Variants in VPS13B observed in about 807,000 individuals in gnomAD.
VPS13B encodes the protein vacuolar protein sorting 13 homolog B.
Under a neutral mutation model 426.4 loss-of-function variants are expected in VPS13B, and 285 were observed. The ratio of observed to expected loss-of-function variants is 0.67; its 90% CI spans 0.61 to 0.74. The LOEUF is 0.74. Among genes scored for constraint, VPS13B ranks in the 30% least tolerant of loss-of-function variants. The pLI is 0.00. For synonymous variants in VPS13B, 1,676 were observed against 1,676.4 expected, an observed-to-expected ratio of 1.00 and a Z score of 0.01; for missense variants, 4,537 against 4,782.6, an observed-to-expected ratio of 0.95 and a Z score of 1.51.
rs1814360025 is a variant in VPS13B at position 99,821,395 on chromosome 8, T to A, written c.9096T>A (p.Asp3032Glu). 1 of 1,613,828 alleles carries A rather than the reference T, an allele frequency of 6.2e-7. No homozygotes were observed. The highest frequency in any genetic ancestry group is 8.5e-7 in the Non-Finnish European group (1 of 1,179,828). Residue 3032 changes from aspartate to glutamate, a missense_variant, in exon 50 of 62, where the codon GAT becomes GAA. Around this residue, in one of 2 missense-constraint regions of VPS13B, gnomAD observed 4,311 missense variants for 4,474.3 expected, o/e 0.96. Transcript: ENST00000357162. ...VHNLTSPKWK[D>E]GGNGEVVTLD... ...ACCTGACATCTCCAAAGTGGAAAGATGGAGGTAATGGTGAAGTTGTGACAC... is the reference window on the plus strand; with the variant it reads ...ACCTGACATCTCCAAAGTGGAAAGAAGGAGGTAATGGTGAAGTTGTGACAC...
At chr8:99,612,720 T>C (rs1169227273) in intron 33 of VPS13B, among the ~76,000 whole-genome samples, 1 of 152,174 alleles carries the variant, frequency 6.6e-6, no homozygotes, top group Non-Finnish European at 1.5e-5. Flanking sequence ...TTTTAGAACG[T>C]CAGCATTACT....
chr8:99,224,656 G>T (rs1046951922), intron 17 of VPS13B, among the ~76,000 whole-genome samples: 6 of 152,112 alleles, frequency 3.9e-5, no homozygotes, highest in Non-Finnish European at 7.4e-5. Flanking sequence ...AATCATAAAA[G>T]TAAAAAGATA....
intron 19 of VPS13B, among the ~76,000 whole-genome samples, chr8:99,365,516 C>CTTCTTCTTCTTCTT (rs71273182): frequency 9.8e-6 from 1 of 102,392 alleles, no homozygotes; most frequent in African/African-American, 4.0e-5. Context: ...TCTTCTTCTT[C>CTTCTTCTTCTTCTT]TTTTTTTTTT....
intron 3 of VPS13B, among the ~76,000 whole-genome samples, chr8:99,063,959 T>C (rs922042580): frequency 1.3e-5 from 2 of 152,172 alleles, no homozygotes; most frequent in Non-Finnish European, 2.9e-5. Flanking sequence ...GAACAGGGTC[T>C]GGAGTGAACC....
At chr8:99,574,350 G>A (rs988374079) in intron 31 of VPS13B, among the ~76,000 whole-genome samples, 12 of 152,142 alleles carry the variant, frequency 7.9e-5, no homozygotes, top group Non-Finnish European at 2.9e-5. Context: ...GAATAGGAGT[G>A]GTGAGAGAGG....
intron 3 of VPS13B, among the ~76,000 whole-genome samples, chr8:99,084,902 G>A (rs1249551707): frequency 1.3e-5 from 2 of 152,122 alleles, no homozygotes; most frequent in African/African-American, 4.8e-5. Context: ...AATAAGTGCG[G>A]CGTGGTGCTG....
chr8:99,426,982 C>T (rs1291014033), intron 21 of VPS13B, among the ~76,000 whole-genome samples: 1 of 52,404 alleles, frequency 1.9e-5, no homozygotes, highest in African/African-American at 1.0e-4. Flanking sequence ...ACATGAAGTC[C>T]TTGCCCATGC....
chr8:99,535,463 T>C (rs745870164), intron 30 of VPS13B, among the ~76,000 whole-genome samples: 5 of 152,206 alleles, frequency 3.3e-5, no homozygotes, highest in Admixed American at 6.5e-5. Flanking sequence ...ACATTTTCCT[T>C]GCTCATCATT....
At chr8:99,191,050 T>C (rs1480545111) in intron 16 of VPS13B, among the ~76,000 whole-genome samples, 3 of 152,080 alleles carry the variant, frequency 2.0e-5, no homozygotes, top group African/African-American at 7.2e-5. Flanking sequence ...GTTTTTTTTT[T>C]CCTGAATTTT....
intron 15 of VPS13B, among the ~76,000 whole-genome samples, chr8:99,159,771 C>T (rs1811545796): frequency 6.6e-6 from 1 of 152,144 alleles, no homozygotes; most frequent in Admixed American, 6.5e-5. Context: ...GTGATTCTCC[C>T]ATCTCAGTCT....
intron 21 of VPS13B, among the ~76,000 whole-genome samples, chr8:99,404,333 C>T (rs1330916222): frequency 6.6e-6 from 1 of 152,096 alleles, no homozygotes; most frequent in Non-Finnish European, 1.5e-5. Context: ...GTCTTTTCAC[C>T]CCCTTTTAGT....
chr8:99,111,320 A>G, intron 6 of VPS13B, 41 bp downstream of exon 6: 2 of 1,517,500 alleles, frequency 1.3e-6, no homozygotes, highest in Non-Finnish European at 1.8e-6. Context: ...GCATGTCTTT[A>G]TTTTGTTTAT....
intron 33 of VPS13B, among the ~76,000 whole-genome samples, chr8:99,639,696 A>G (rs1307089923): frequency 6.7e-6 from 1 of 148,604 alleles, no homozygotes; most frequent in Non-Finnish European, 1.5e-5. Flanking sequence ...TTACCAATCA[A>G]ATTAAGGAGT....
intron 19 of VPS13B, among the ~76,000 whole-genome samples, chr8:99,337,132 G>A (rs113783341): frequency 0.017 from 2,530 of 152,080 alleles, 65 homozygotes; most frequent in African/African-American, 0.058. Flanking sequence ...AACAACGATA[G>A]ACTGGATTAA....
At chr8:99,084,238 C>T (rs576264919) in intron 3 of VPS13B, among the ~76,000 whole-genome samples, 17 of 152,228 alleles carry the variant, frequency 1.1e-4, no homozygotes, top group Admixed American at 2.6e-4. Flanking sequence ...AGTTTATTTG[C>T]GCAGAGGTGT....
chr8:99,195,322 T>A (rs1427987425), intron 17 of VPS13B, among the ~76,000 whole-genome samples: 1 of 152,230 alleles, frequency 6.6e-6, no homozygotes, highest in Non-Finnish European at 1.5e-5. Flanking sequence ...GCCATTTGTA[T>A]GAACCATTTA....
At chr8:99,647,069 G>A (rs560551843) in intron 34 of VPS13B, among the ~76,000 whole-genome samples, 1 of 151,964 alleles carries the variant, frequency 6.6e-6, no homozygotes, top group Admixed American at 6.6e-5. Context: ...ATACCTGTGA[G>A]GTTGTTATAG....
intron 33 of VPS13B, among the ~76,000 whole-genome samples, chr8:99,631,735 CAT>C (rs1256037625): frequency 2.0e-5 from 3 of 151,482 alleles, no homozygotes; most frequent in Non-Finnish European, 4.4e-5. Flanking sequence ...TTTATATATA[CAT>C]ATATATATTT....
chr8:99,621,820 CTTTTT>C (rs749078781), intron 33 of VPS13B, among the ~76,000 whole-genome samples: 94 of 83,238 alleles, frequency 1.1e-3, no homozygotes, highest in Non-Finnish European at 1.8e-3. Flanking sequence ...TGTTTTGTTT[CTTTTT>C]TTTTTTTTTT....
Sources: gnomAD v4.1 joint callset for allele counts (sites outside exome capture counted in the v4.1 genomes callset) on GRCh38, gnomAD v4.1.1 for gene constraint, gnomAD v4.1.1 regional missense constraint, MANE v1.5 for transcripts, NCBI Gene and HGNC (gene_info 2026-07-23, HGNC 2026-07-21) for gene names.